Variants in PLOD1 observed in about 807,000 individuals in gnomAD.
PLOD1 encodes the protein procollagen-lysine,2-oxoglutarate 5-dioxygenase 1.
In PLOD1, 70 loss-of-function variants were observed where a neutral mutation model predicts 94.7. That is an observed-to-expected ratio of 0.74 (90% CI 0.61 to 0.90). PLOD1 has a LOEUF of 0.90. PLOD1 is among the 40% of genes least tolerant of loss of function. The probability of loss-of-function intolerance (pLI) is 0.00; values close to 1 mark genes in which losing one functional copy is unlikely to be tolerated. For missense variants in PLOD1, 905 were observed against 972.7 expected (o/e 0.93, Z 0.93); for synonymous variants, 417 against 400.2 (o/e 1.04, Z -0.50).
intron 1 of PLOD1, among the ~76,000 whole-genome samples, chr1:11,945,166 T>A (rs539606385): frequency 6.6e-6 from 1 of 152,258 alleles, no homozygotes; most frequent in South Asian, 2.1e-4. Context: ...ACGCCTGTAA[T>A]CCCAGCACTT....
intron 1 of PLOD1, among the ~76,000 whole-genome samples, chr1:11,936,010 G>T (rs1344015034): frequency 1.3e-5 from 2 of 152,092 alleles, no homozygotes; most frequent in African/African-American, 2.4e-5. Flanking sequence ...TGTATTTTTG[G>T]TGGAGATGGG....
intron 16 of PLOD1, among the ~76,000 whole-genome samples, chr1:11,967,582 CAT>C (rs1491396344): frequency 2.9e-4 from 17 of 58,012 alleles, no homozygotes; most frequent in Middle Eastern, 7.9e-3. Flanking sequence ...TTTTTCTTTT[CAT>C]GTGTGTGTGT....
At chr1:11,965,321 G>A (rs1051701739) in intron 13 of PLOD1, among the ~76,000 whole-genome samples, 159 bp from the exon 14 acceptor site, 2 of 151,960 alleles carry the variant, frequency 1.3e-5, no homozygotes, top group African/African-American at 4.8e-5. Context: ...GCTGGGCCCT[G>A]GGGACATAGC....
intron 16 of PLOD1, among the ~76,000 whole-genome samples, chr1:11,969,815 ATCC>A (rs1008567898): frequency 8.5e-5 from 13 of 152,308 alleles, no homozygotes; most frequent in African/African-American, 3.1e-4. Flanking sequence ...TCTCTTCAGT[ATCC>A]TCCTTTAGCC....
At position 11,970,310 on chromosome 1, in the gene PLOD1, G is replaced by A. The variant is rs141469729; in HGVS notation, c.1756-360G>A. On this transcript the variant is annotated intron_variant, in intron 16 of 18. Transcript: ENST00000196061. ...TAGTTGGGCGTGATGGTGCGTGCCT[G>A]TAGTCCCAGCTACACGGGAGGGTGA... Among the ~76,000 whole-genome samples, 552 of 152,276 alleles carry A rather than the reference G, an allele frequency of 3.6e-3. 2 individuals carry two copies. Among genetic ancestry groups the A allele is most frequent in the African/African-American group, 0.013 (528 of 41,564 alleles).
In PLOD1 at chr1:11,970,672, C is replaced by G; in HGVS notation, c.1758C>G (p.Asp586Glu). 6.2e-7 allele frequency: 1 copy of G among 1,613,140 alleles called. No individual in the cohort carries two copies. The highest frequency in any genetic ancestry group is 8.5e-7 in the Non-Finnish European group (1 of 1,179,914). The change falls in exon 17 of 19, where the codon GAC becomes GAG. Residue 586 changes from aspartate (D) to glutamate (E), a missense_variant and splice_region_variant. Transcript: ENST00000196061. ...ACATTCACCTCGGTCACCTCCAGGACAACCGCATCCAGGGTGGCTACGAGA... is the reference window on the plus strand; with the variant it reads ...ACATTCACCTCGGTCACCTCCAGGAGAACCGCATCCAGGGTGGCTACGAGA... ...FGQWSLGNNK[D>E]NRIQGGYENV...
Position 11,974,856 on chromosome 1 carries a change from C to G in PLOD1, c.*48C>G. 6.2e-7 allele frequency: 1 copy of G among 1,601,088 alleles called. No homozygotes were observed. The highest frequency in any genetic ancestry group is 8.6e-7 in the Non-Finnish European group (1 of 1,168,220). On this transcript the variant is annotated 3_prime_UTR_variant, in exon 19 of 19. Transcript: ENST00000196061. ...GACCTTTCTTCTTTGCCGACAACCA[C>G]TGCCCAGCAGCCTCTGGGACCTCGG...
At chr1:11,936,983 G>T (rs1308524647) in intron 1 of PLOD1, among the ~76,000 whole-genome samples, 1 of 151,878 alleles carries the variant, frequency 6.6e-6, no homozygotes, top group Non-Finnish European at 1.5e-5. Context: ...TAGTGGCTGG[G>T]ATTACAGGCG....
intron 16 of PLOD1, 78 bp downstream of exon 16, chr1:11,967,169 G>A: frequency 1.0e-6 from 1 of 961,918 alleles, no homozygotes; most frequent in Admixed American, 1.7e-5. Context: ...GGGGTCTTCT[G>A]GCAAGCTGGC....
At chr1:11,965,841 A>G (rs79551372) in intron 14 of PLOD1, among the ~76,000 whole-genome samples, 2,164 of 152,296 alleles carry the variant, frequency 0.014, 31 homozygotes, top group Middle Eastern at 0.034. Context: ...TAGATCTGCC[A>G]TCATCTGGGA....
At chr1:11,951,863 G>A (rs1156545737) in intron 4 of PLOD1, among the ~76,000 whole-genome samples, 1 of 152,056 alleles carries the variant, frequency 6.6e-6, no homozygotes. Flanking sequence ...AGCTTGCAGT[G>A]AGCCGAGATC....
In PLOD1 at chr1:11,956,919, G is replaced by A. The variant is rs1485825969; in HGVS notation, c.646G>A (p.Glu216Lys). Reference sequence around the variant, plus strand: ...GGACTGTGCTTTCTGACCCCCAGATGAGGTCGTGCTCAAGTTTGAAATGGG... The same window carrying A: ...GGACTGTGCTTTCTGACCCCCAGATAAGGTCGTGCTCAAGTTTGAAATGGG... ...IFQNLDGALDEVVLKFEMGHV... is the reference protein window; with the variant it reads ...IFQNLDGALDKVVLKFEMGHV... The change falls in exon 7 of 19, where the codon GAG (glutamate) becomes AAG (lysine). Residue 216 changes from glutamate to lysine, a missense_variant and splice_region_variant. Physicochemically the swap from Glu to Lys is moderately conservative, Grantham distance 56. Transcript: ENST00000196061. 1.2e-6 allele frequency: 2 copies of A among 1,610,650 alleles called. No homozygotes were observed. Among genetic ancestry groups the A allele is most frequent in the African/African-American group, 2.7e-5 (2 of 74,844 alleles).
At chr1:11,945,823 C>T (rs1396761146) in intron 1 of PLOD1, among the ~76,000 whole-genome samples, 1 of 152,138 alleles carries the variant, frequency 6.6e-6, no homozygotes, top group Non-Finnish European at 1.5e-5. Flanking sequence ...ATTCTCCTGT[C>T]TCAGCCTCCC....
chr1:11,957,773 G>C lies in PLOD1; in HGVS notation c.742-69G>C. 1 of 1,021,098 alleles carries C rather than the reference G, an allele frequency of 9.8e-7. No individual in the cohort carries two copies. The highest frequency in any genetic ancestry group is 1.6e-6 in the Non-Finnish European group (1 of 638,460). The allele number at this position is 1,021,098 out of a possible 1,614,324, so 63.3% of individuals were successfully genotyped here. A position where few individuals can be genotyped will look rare whatever the true frequency, so the allele number is the denominator to read the frequency against. Reference sequence around the variant, plus strand: ...GGTGCTGACCCACTGGGGGCCCAGGGAGATGTGAGTCAGGGCTATGGCAGG... The same window carrying C: ...GGTGCTGACCCACTGGGGGCCCAGGCAGATGTGAGTCAGGGCTATGGCAGG... On this transcript the variant is annotated intron_variant, in intron 7 of 18. Coordinates refer to ENST00000196061, the MANE Select transcript of PLOD1 (RefSeq NM_000302.4). This position sits in a 1 kb window ranked among gnomAD's most constrained non-coding sequence, Gnocchi z 4.1.
Position 11,958,006 on chromosome 1 carries a change from G to C in PLOD1, c.843+63G>C. ...GGGGCTCAGTCCCCTGAGATGGCGAGATGGGTGATTCTGGAATAGACTCCA... is the reference window on the plus strand; with the variant it reads ...GGGGCTCAGTCCCCTGAGATGGCGACATGGGTGATTCTGGAATAGACTCCA... On this transcript the variant is annotated intron_variant, in intron 8 of 18. Transcript: ENST00000196061. This position sits in a 1 kb window ranked among gnomAD's most constrained non-coding sequence, Gnocchi z 4.3. 9.7e-7 allele frequency: 1 copy of C among 1,031,850 alleles called. No homozygotes were observed. The highest frequency in any genetic ancestry group is 1.7e-5 in the Admixed American group (1 of 58,942). The allele number at this position is 1,031,850 out of a possible 1,614,324, so 63.9% of individuals were successfully genotyped here. A position where few individuals can be genotyped will look rare whatever the true frequency, so the allele number is the denominator to read the frequency against.
intron 1 of PLOD1, among the ~76,000 whole-genome samples, chr1:11,939,025 A>G (rs1484784745): frequency 1.3e-5 from 2 of 152,172 alleles, no homozygotes; most frequent in African/African-American, 2.4e-5. Flanking sequence ...GATGTCCCAC[A>G]GCCCTTCCTC....
rs1645795243 is a variant in PLOD1, at chr1:11,963,722, C to T, written c.1202+86C>T. The T allele has an allele frequency of 3.9e-6, 3 of 768,420 alleles. No homozygotes were observed. The South Asian group carries it at 4.4e-5, about 11-fold the overall frequency. The allele number at this position is 768,420 out of a possible 1,614,324, so 47.6% of individuals were successfully genotyped here. A position where few individuals can be genotyped will look rare whatever the true frequency, so the allele number is the denominator to read the frequency against. On this transcript the variant is annotated intron_variant, in intron 11 of 18. Transcript: ENST00000196061. The surrounding 1 kb of genome is among the most constrained non-coding windows in gnomAD (Gnocchi z 4.3). ...CCCTCCTTGCCTTCCTCCTCCTCCTCCTCATCCACCTCCTCTTCCTCCTCT... is the reference window on the plus strand; with the variant it reads ...CCCTCCTTGCCTTCCTCCTCCTCCTTCTCATCCACCTCCTCTTCCTCCTCT...
chr1:11,955,988 C>T (rs1013556741), intron 6 of PLOD1, among the ~76,000 whole-genome samples: 19 of 152,180 alleles, frequency 1.2e-4, no homozygotes, highest in African/African-American at 4.6e-4. Flanking sequence ...TCTCAAACTC[C>T]TGGGCTCAAG....
chr1:11,958,361 G>A lies in PLOD1; in HGVS notation c.844-155G>A, dbSNP rs926708183. ...CCTCCTGCTGCTTCCCTGCCCCCCC[G>A]TACCCCCTGACTGGAGTTCCCCGGC... On this transcript the variant is annotated intron_variant, in intron 8 of 18. Coordinates refer to ENST00000196061, the MANE Select transcript of PLOD1 (RefSeq NM_000302.4). This position sits in a 1 kb window ranked among gnomAD's most constrained non-coding sequence, Gnocchi z 4.3. Among the ~76,000 whole-genome samples, 5 of 150,648 alleles carry A rather than the reference G, an allele frequency of 3.3e-5. No homozygotes were observed. The highest frequency in any genetic ancestry group is 1.3e-4 in the Admixed American group (2 of 15,104).
Sources: allele counts gnomAD v4.1 joint callset (sites outside exome capture counted in the v4.1 genomes callset), GRCh38; gene constraint gnomAD v4.1.1; non-coding constraint Gnocchi (gnomAD v3.1); transcripts MANE v1.5; gene names NCBI Gene and HGNC (gene_info 2026-07-23, HGNC 2026-07-21).